HS6ST2: variants seen among roughly 807,000 people sequenced by gnomAD.
HS6ST2 encodes the protein heparan-sulfate 6-O-sulfotransferase 2.
In HS6ST2, 17 loss-of-function variants were observed where a neutral mutation model predicts 33.0. The observed-to-expected ratio is 0.52, with a 90% CI of 0.35 to 0.77. The LOEUF is 0.77. Among genes scored for constraint, HS6ST2 ranks in the 30% least tolerant of loss-of-function variants. The pLI is 0.01. For synonymous variants in HS6ST2, 248 were observed against 237.1 expected (o/e 1.05, Z -0.42); for missense variants, 519 against 551.7 (o/e 0.94, Z 0.59).
intron 2 of HS6ST2, among the ~76,000 whole-genome samples, chrX:132,747,708 C>T (rs2064658614): frequency 9.0e-6 from 1 of 111,086 alleles, no homozygotes; most frequent in South Asian, 4.0e-4. Flanking sequence ...AGCCCTAATG[C>T]TCTCAGATCT....
At chrX:132,856,953 G>A (rs1015906837) in intron 2 of HS6ST2, among the ~76,000 whole-genome samples, 2 of 111,821 alleles carry the variant, frequency 1.8e-5, no homozygotes, top group African/African-American at 6.5e-5. Flanking sequence ...GAGAATCCAA[G>A]GCTATAACTC....
intron 2 of HS6ST2, among the ~76,000 whole-genome samples, chrX:132,876,772 T>C (rs769154903): frequency 5.4e-5 from 6 of 111,407 alleles, no homozygotes; most frequent in Admixed American, 4.8e-4. Context: ...TAACCCTTGG[T>C]TTACCTTGGC....
At chrX:132,673,795 G>A (rs779665584) in intron 3 of HS6ST2, among the ~76,000 whole-genome samples, 8 of 111,350 alleles carry the variant, frequency 7.2e-5, no homozygotes, top group Middle Eastern at 4.6e-3. Context: ...ACACCAAGTC[G>A]TCATCTTTTG....
chrX:132,867,285 T>C (rs1458624716), intron 2 of HS6ST2, among the ~76,000 whole-genome samples: 2 of 106,753 alleles, frequency 1.9e-5, no homozygotes, highest in Non-Finnish European at 3.9e-5. Context: ...ATTACATTTA[T>C]TGATTTGCAT....
chrX:132,693,672 C>G (rs2064083327), intron 3 of HS6ST2, among the ~76,000 whole-genome samples: 1 of 111,751 alleles, frequency 8.9e-6, no homozygotes, highest in Non-Finnish European at 1.9e-5. Context: ...CTATCTAAAC[C>G]ACCTGTTAAA....
At chrX:132,787,204 TATATATATACAC>T (rs2065074923) in intron 2 of HS6ST2, among the ~76,000 whole-genome samples, 1 of 85,259 alleles carries the variant, frequency 1.2e-5, no homozygotes, top group African/African-American at 4.8e-5. Context: ...TATATACACA[TATATATATACAC>T]ATATATATAT....
intron 2 of HS6ST2, among the ~76,000 whole-genome samples, chrX:132,864,286 G>A (rs986647918): frequency 2.8e-5 from 3 of 108,788 alleles, no homozygotes; most frequent in Admixed American, 2.0e-4. Flanking sequence ...TCAGAAGGTG[G>A]GTAATAACAA....
At chrX:132,683,586 C>T (rs1484630321) in intron 3 of HS6ST2, among the ~76,000 whole-genome samples, 1 of 112,001 alleles carries the variant, frequency 8.9e-6, no homozygotes, top group African/African-American at 3.2e-5. Context: ...CTTTATACAA[C>T]CAGCTCCAGA....
intron 4 of HS6ST2, among the ~76,000 whole-genome samples, chrX:132,663,121 G>T (rs2063785512): frequency 8.9e-6 from 1 of 112,065 alleles, no homozygotes; most frequent in African/African-American, 3.2e-5. Flanking sequence ...ATAGAGTCAG[G>T]ACTCAAATAC....
At chrX:132,706,057 C>T (rs975032417) in intron 3 of HS6ST2, among the ~76,000 whole-genome samples, 2 of 109,125 alleles carry the variant, frequency 1.8e-5, no homozygotes, top group Admixed American at 9.8e-5. Context: ...TAGTTCCCAA[C>T]GTTTGAAAGG....
chrX:132,843,850 G>A (rs2097381), intron 2 of HS6ST2, among the ~76,000 whole-genome samples: 1 of 110,513 alleles, frequency 9.0e-6, no homozygotes, highest in Admixed American at 9.6e-5. Flanking sequence ...CTTTTCCCTG[G>A]GGAAGTCGCC....
At chrX:132,940,590 A>G (rs1046501518) in intron 2 of HS6ST2, among the ~76,000 whole-genome samples, 4 of 112,040 alleles carry the variant, frequency 3.6e-5, no homozygotes, top group Middle Eastern at 4.2e-3. Context: ...TAAAAAGAAA[A>G]AGAAATAACA....
chrX:132,847,952 G>A (rs1394808335), intron 2 of HS6ST2, among the ~76,000 whole-genome samples: 1 of 112,450 alleles, frequency 8.9e-6, no homozygotes, highest in East Asian at 2.8e-4. Context: ...AATGGAAGGT[G>A]TTCTAATGCC....
At chrX:132,638,197 A>T (rs1262921794) in intron 4 of HS6ST2, among the ~76,000 whole-genome samples, 1 of 106,581 alleles carries the variant, frequency 9.4e-6, no homozygotes, top group Non-Finnish European at 1.9e-5. Context: ...GGGTCAAAGC[A>T]AGGAGGAAGG....
chrX:132,728,091 G>C (rs187328268), intron 2 of HS6ST2, among the ~76,000 whole-genome samples: 75 of 111,949 alleles, frequency 6.7e-4, no homozygotes, highest in African/African-American at 2.3e-3. Context: ...CATGATTAAT[G>C]CTGCTATGAA....
At chrX:132,959,631 A>G (rs1312114545), upstream of HS6ST2, among the ~76,000 whole-genome samples, 3 of 112,151 alleles carry the variant, frequency 2.7e-5, no homozygotes, top group African/African-American at 9.7e-5. Flanking sequence ...TATCTATGCC[A>G]TGAAGCGGCA....
At chrX:132,730,977 G>C (rs1019362800) in intron 2 of HS6ST2, among the ~76,000 whole-genome samples, 1 of 111,528 alleles carries the variant, frequency 9.0e-6, no homozygotes, top group African/African-American at 3.3e-5. Flanking sequence ...GATGGACTCT[G>C]TGTGTGTGTG....
chrX:132,889,656 A>G (rs753953293), intron 2 of HS6ST2, among the ~76,000 whole-genome samples: 14 of 111,249 alleles, frequency 1.3e-4, no homozygotes, highest in Non-Finnish European at 2.5e-4. Context: ...AGTACAATGG[A>G]GCAGAAATGC....
chrX:132,952,837 G>A (rs911267609), intron 2 of HS6ST2, among the ~76,000 whole-genome samples: 1 of 111,100 alleles, frequency 9.0e-6, no homozygotes, highest in Non-Finnish European at 1.9e-5. Flanking sequence ...CCTACCCCTG[G>A]TGAATAAAAC....
Sources: gnomAD v4.1 joint callset for allele counts (sites outside exome capture counted in the v4.1 genomes callset) on GRCh38, gnomAD v4.1.1 for gene constraint, MANE v1.5 for transcripts, NCBI Gene and HGNC (gene_info 2026-07-23, HGNC 2026-07-21) for gene names.